The following FARP1 variants were observed in gnomAD, a reference collection of about 807,000 sequenced individuals.
FARP1 encodes FERM, ARHGEF and pleckstrin domain-containing protein 1.
FARP1 carries 52 observed loss-of-function variants against 128.8 expected under a neutral mutation model. The ratio of observed to expected loss-of-function variants is 0.40; its 90% CI spans 0.32 to 0.51. The LOEUF (loss-of-function observed/expected upper bound fraction) is 0.51, where lower values mean the gene tolerates loss of function less well. FARP1 is among the 20% of genes least tolerant of loss of function. The pLI is 0.45. For missense variants in FARP1, 1,333 were observed against 1,367.9 expected (o/e 0.97, Z 0.40); for synonymous variants, 580 against 551.8 (o/e 1.05, Z -0.72).
intron 3 of FARP1, among the ~76,000 whole-genome samples, chr13:98,356,669 C>T (rs988241686): frequency 7.3e-5 from 9 of 123,162 alleles, no homozygotes; most frequent in African/African-American, 1.9e-4. Context: ...GAGACAGCCT[C>T]GCTCTGTTGC....
intron 2 of FARP1, among the ~76,000 whole-genome samples, chr13:98,217,364 G>A (rs1314633389): frequency 6.6e-6 from 1 of 152,180 alleles, no homozygotes; most frequent in Non-Finnish European, 1.5e-5. Flanking sequence ...GTGGCCAGTT[G>A]CAGGCGGGTG....
At chr13:98,404,034 C>A in intron 13 of FARP1, 1 of 155,532 alleles carries the variant, frequency 6.4e-6, no homozygotes, top group Non-Finnish European at 1.4e-5. Context: ...ACCACCACTG[C>A]TACTACCAAC....
chr13:98,376,655 C>T (rs1205987698), intron 5 of FARP1, among the ~76,000 whole-genome samples: 3 of 151,776 alleles, frequency 2.0e-5, no homozygotes, highest in Admixed American at 6.6e-5. Context: ...ATTGCTGGGT[C>T]ATATGGTAGC....
chr13:98,236,772 G>A (rs374809028), intron 2 of FARP1, among the ~76,000 whole-genome samples: 2 of 151,284 alleles, frequency 1.3e-5, no homozygotes, highest in South Asian at 4.2e-4. Context: ...GGTGGGTCAC[G>A]AGGTCAGGAG....
chr13:98,409,234 G>T lies in FARP1; in HGVS notation c.1415-104G>T, dbSNP rs1415112350. On this transcript the variant is annotated intron_variant, in intron 13 of 26. Coordinates refer to ENST00000319562, the MANE Select transcript of FARP1 (RefSeq NM_005766.4). ...ATCGCTTTAGGTTTGCCATGGCGGG[G>T]TAGTCAAATCTTACGATTTGAAAAA... 5.7e-6 allele frequency: 5 copies of T among 872,584 alleles called. No individual in the cohort carries two copies. The African/African-American group carries it at 6.8e-5, about 12-fold the overall frequency. 54.1% of individuals were successfully genotyped at this position (872,584 alleles called of 1,614,324 possible). A position where few individuals can be genotyped will look rare whatever the true frequency, so the allele number is the denominator to read the frequency against.
At chr13:98,316,705 C>G (rs1220809512) in intron 2 of FARP1, among the ~76,000 whole-genome samples, 1 of 152,204 alleles carries the variant, frequency 6.6e-6, no homozygotes, top group Non-Finnish European at 1.5e-5. Context: ...ATGTGTATAG[C>G]TTTACCCAGT....
chr13:98,439,931 C>T, intron 21 of FARP1, 30 bp from the exon 22 acceptor site: 1 of 1,477,196 alleles, frequency 6.8e-7, no homozygotes, highest in Non-Finnish European at 9.2e-7. Flanking sequence ...TCACGTGCCT[C>T]ATGGTGACGT....
intron 2 of FARP1, among the ~76,000 whole-genome samples, chr13:98,227,613 C>A (rs1475878786): frequency 6.6e-6 from 1 of 152,126 alleles, no homozygotes; most frequent in Non-Finnish European, 1.5e-5. Context: ...TCCAGCAATC[C>A]TCCTTTGGGG....
At chr13:98,169,640 T>C (rs1167602116) in intron 1 of FARP1, among the ~76,000 whole-genome samples, 1 of 152,214 alleles carries the variant, frequency 6.6e-6, no homozygotes, top group Non-Finnish European at 1.5e-5. Context: ...GAGTTAAAAA[T>C]GGAAACTACT....
At chr13:98,352,906 C>T (rs1344683857) in intron 3 of FARP1, among the ~76,000 whole-genome samples, 2 of 152,138 alleles carry the variant, frequency 1.3e-5, no homozygotes, top group Non-Finnish European at 2.9e-5. Context: ...TAAACTCCTG[C>T]CCTCTACAAG....
intron 2 of FARP1, among the ~76,000 whole-genome samples, chr13:98,231,723 C>A (rs949984596): frequency 6.6e-6 from 1 of 152,028 alleles, no homozygotes; most frequent in Non-Finnish European, 1.5e-5. Context: ...CCACCACACC[C>A]GGCCTCATTT....
chr13:98,156,912 A>G (rs1329237544), intron 1 of FARP1, among the ~76,000 whole-genome samples: 5 of 152,142 alleles, frequency 3.3e-5, no homozygotes, highest in Non-Finnish European at 7.4e-5. Flanking sequence ...GGGGTAAGCC[A>G]GTCACTGAAA....
chr13:98,283,614 C>T (rs1885037876), intron 2 of FARP1, among the ~76,000 whole-genome samples: 1 of 152,118 alleles, frequency 6.6e-6, no homozygotes, highest in African/African-American at 2.4e-5. Flanking sequence ...TCAGCCTATT[C>T]ACTAATATTT....
At chr13:98,302,641 A>C (rs1885971454) in intron 2 of FARP1, among the ~76,000 whole-genome samples, 1 of 152,230 alleles carries the variant, frequency 6.6e-6, no homozygotes, top group Non-Finnish European at 1.5e-5. Context: ...GGCAAGGTGA[A>C]GAGCAAAGAG....
chr13:98,392,515 G>GA (rs952604079), intron 11 of FARP1, among the ~76,000 whole-genome samples: 2 of 150,442 alleles, frequency 1.3e-5, no homozygotes, highest in African/African-American at 4.9e-5. Context: ...AAAAAAAAGA[G>GA]AAAAAAGAAA....
At chr13:98,228,292 G>A (rs1413923313) in intron 2 of FARP1, among the ~76,000 whole-genome samples, 12 of 152,172 alleles carry the variant, frequency 7.9e-5, no homozygotes, top group African/African-American at 4.8e-5. Context: ...CCCAGGAGGC[G>A]GAGGCTGCCG....
At position 98,410,718 on chromosome 13, in the gene FARP1, T is replaced by C. The variant is rs1159646545; in HGVS notation, c.1603-16T>C. ...AAATGATTATTGCGCTTTGTTTCTT[T>C]TGCTGGGTTTTGCAGAGATTCCCAA... On this transcript the variant is annotated splice_polypyrimidine_tract_variant and intron_variant, in intron 14 of 26. Coordinates refer to ENST00000319562, the MANE Select transcript of FARP1 (RefSeq NM_005766.4). 2 of 1,466,202 alleles carry C rather than the reference T, an allele frequency of 1.4e-6. No individual in the cohort carries two copies. Among genetic ancestry groups the C allele is most frequent in the South Asian group, 2.3e-5 (2 of 85,174 alleles). The allele number at this position is 1,466,202 out of a possible 1,614,324, so 90.8% of individuals were successfully genotyped here.
chr13:98,368,100 T>G lies in FARP1; in HGVS notation c.320-17T>G, dbSNP rs749623461. On this transcript the variant is annotated splice_polypyrimidine_tract_variant and intron_variant, in intron 4 of 26. Transcript: ENST00000319562. ...CAAATCAGTAAATGCTTTACTTCTT[T>G]TTTTCTTCTTCTTTAGGGCCAAAGC... is the stretch of plus-strand genomic sequence containing the variant. The G allele has an allele frequency of 6.2e-7, 1 of 1,605,932 alleles. No homozygotes were observed. Among genetic ancestry groups the G allele is most frequent in the East Asian group, 2.2e-5 (1 of 44,838 alleles).
intron 5 of FARP1, among the ~76,000 whole-genome samples, chr13:98,375,663 C>T (rs9582220): frequency 0.097 from 14,747 of 152,076 alleles, 2,071 homozygotes; most frequent in African/African-American, 0.31. Context: ...AGTTTCGCTC[C>T]TGTCACCCAG....
Sources: allele counts gnomAD v4.1 joint callset (sites outside exome capture counted in the v4.1 genomes callset), GRCh38; gene constraint gnomAD v4.1.1; transcripts MANE v1.5; gene names NCBI Gene and HGNC (gene_info 2026-07-23, HGNC 2026-07-21).